Variants in PTPRD observed in about 807,000 individuals in gnomAD.
The protein encoded by PTPRD is receptor-type tyrosine-protein phosphatase delta.
Under a neutral mutation model 214.5 loss-of-function variants are expected in PTPRD, and 34 were observed. That is an observed-to-expected ratio of 0.16 (90% CI 0.12 to 0.21). PTPRD has a LOEUF of 0.21. Among genes scored for constraint, PTPRD ranks in the 10% least tolerant of loss-of-function variants. The pLI, the probability that PTPRD is intolerant of heterozygous loss-of-function variation, is 1.00. For missense variants in PTPRD, 2,545 were observed against 2,398.7 expected (o/e 1.06, Z -1.27); for synonymous variants, 1,128 against 845.7 (o/e 1.33, Z -5.79).
intron 9 of PTPRD, among the ~76,000 whole-genome samples, chr9:9,370,485 T>G (rs1367068159): frequency 1.3e-5 from 2 of 151,362 alleles, no homozygotes; most frequent in Non-Finnish European, 2.9e-5. Flanking sequence ...TTGCTGAAGT[T>G]GCTTATCTGC....
chr9:9,906,505 A>G (rs1021141679), intron 5 of PTPRD, among the ~76,000 whole-genome samples: 1 of 152,018 alleles, frequency 6.6e-6, no homozygotes, highest in African/African-American at 2.4e-5. Flanking sequence ...TTTCTGTTAC[A>G]TGATGATAGT....
chr9:9,251,031 A>G (rs1423187584), intron 9 of PTPRD, among the ~76,000 whole-genome samples: 2 of 152,006 alleles, frequency 1.3e-5, no homozygotes, highest in Non-Finnish European at 2.9e-5. Context: ...TTCCTTCACC[A>G]TGTTCGCACA....
At chr9:8,919,882 G>A (rs1019090778) in intron 11 of PTPRD, among the ~76,000 whole-genome samples, 6 of 151,348 alleles carry the variant, frequency 4.0e-5, no homozygotes, top group Admixed American at 2.6e-4. Context: ...CATGTATCAT[G>A]CATACATAGA....
At chr9:8,479,778 T>C (rs181158079) in intron 30 of PTPRD, among the ~76,000 whole-genome samples, 1 of 152,228 alleles carries the variant, frequency 6.6e-6, no homozygotes, top group African/African-American at 2.4e-5. Context: ...CTGAAGAATA[T>C]ACTATACTAT....
chr9:10,279,053 C>T (rs953147291), intron 3 of PTPRD, among the ~76,000 whole-genome samples: 2 of 152,106 alleles, frequency 1.3e-5, no homozygotes, highest in African/African-American at 4.8e-5. Flanking sequence ...GGCTCACAGG[C>T]CTGAGCCACC....
chr9:9,836,228 G>A (rs1257409164), intron 5 of PTPRD, among the ~76,000 whole-genome samples: 1 of 152,178 alleles, frequency 6.6e-6, no homozygotes, highest in African/African-American at 2.4e-5. Context: ...GCCCCAGAAT[G>A]TGAGCATATG....
intron 5 of PTPRD, among the ~76,000 whole-genome samples, chr9:9,795,257 T>C (rs543092116): frequency 6.6e-6 from 1 of 152,300 alleles, no homozygotes; most frequent in East Asian, 1.9e-4. Flanking sequence ...TATATTTAAT[T>C]TGGAAATAGT....
chr9:8,329,413 G>T (rs1375152116), intron 44 of PTPRD, among the ~76,000 whole-genome samples: 1 of 152,118 alleles, frequency 6.6e-6, no homozygotes, highest in Non-Finnish European at 1.5e-5. Context: ...GCACCTGCCA[G>T]ATGCCAGCCA....
intron 11 of PTPRD, among the ~76,000 whole-genome samples, chr9:8,872,398 C>G (rs1456002606): frequency 6.6e-6 from 1 of 152,206 alleles, no homozygotes; most frequent in African/African-American, 2.4e-5. Context: ...ATGTTGTTCT[C>G]TCACATGATT....
At chr9:8,380,895 C>G (rs1284315098) in intron 37 of PTPRD, among the ~76,000 whole-genome samples, 4 of 152,072 alleles carry the variant, frequency 2.6e-5, no homozygotes, top group Middle Eastern at 3.2e-3. Flanking sequence ...TTGTCTACCA[C>G]TTTCTGAAAA....
intron 7 of PTPRD, among the ~76,000 whole-genome samples, chr9:9,591,383 C>T (rs1236923917): frequency 6.6e-6 from 1 of 151,972 alleles, no homozygotes; most frequent in African/African-American, 2.4e-5. Context: ...GGCCAGCAAA[C>T]TGTGTGAGCT....
intron 11 of PTPRD, among the ~76,000 whole-genome samples, chr9:8,782,879 A>G (rs2095794198): frequency 6.6e-6 from 1 of 152,150 alleles, no homozygotes; most frequent in South Asian, 2.1e-4. Context: ...TACAGGCCTG[A>G]GCCACCACGC....
intron 2 of PTPRD, among the ~76,000 whole-genome samples, chr9:10,384,820 T>C (rs573793275): frequency 9.9e-5 from 15 of 151,548 alleles, no homozygotes; most frequent in African/African-American, 2.9e-4. Context: ...TGAATTAAAA[T>C]ATATTGCGAA....
chr9:9,740,556 T>A (rs1419913678), intron 6 of PTPRD, among the ~76,000 whole-genome samples: 1 of 151,852 alleles, frequency 6.6e-6, no homozygotes. Context: ...AGAGACGGGG[T>A]TTCACCGTGT....
chr9:10,603,730 C>T (rs1178507542), intron 2 of PTPRD, among the ~76,000 whole-genome samples: 1 of 151,768 alleles, frequency 6.6e-6, no homozygotes, highest in East Asian at 1.9e-4. Context: ...TACCTTCTAT[C>T]TGAAGATTTC....
intron 5 of PTPRD, among the ~76,000 whole-genome samples, chr9:9,769,965 T>A (rs1028457509): frequency 6.6e-6 from 1 of 152,194 alleles, no homozygotes; most frequent in African/African-American, 2.4e-5. Context: ...TGCATAGTAT[T>A]CCATGGTGTA....
intron 2 of PTPRD, among the ~76,000 whole-genome samples, chr9:10,464,075 A>G (rs2098976990): frequency 6.6e-6 from 1 of 152,114 alleles, no homozygotes; most frequent in South Asian, 2.1e-4. Flanking sequence ...ACCTATAGCT[A>G]TAAACATATT....
At chr9:8,889,611 C>A (rs1490318891) in intron 11 of PTPRD, among the ~76,000 whole-genome samples, 1 of 151,558 alleles carries the variant, frequency 6.6e-6, no homozygotes, top group African/African-American at 2.4e-5. Context: ...ATCCCTGATC[C>A]CCCACCCACC....
At position 9,275,147 on chromosome 9, in the gene PTPRD, AATATATT is replaced by A. The variant is rs1244701903; in HGVS notation, c.-202-91791_-202-91785del. Among the ~76,000 whole-genome samples the A allele has an allele frequency of 2.4e-3, 125 of 53,074 alleles. 3 individuals carry two copies. Among genetic ancestry groups the A allele is most frequent in the African/African-American group, 0.011 (121 of 10,906 alleles). The allele number at this position is 53,074 out of a possible 152,430, so 34.8% of individuals were successfully genotyped here. A position where few individuals can be genotyped will look rare whatever the true frequency, so the allele number is the denominator to read the frequency against. ...TATATATTATATATAATATATATAT[AATATATT>A]ATATATATAACATATATATAATATA... is the stretch of plus-strand genomic sequence containing the variant. On this transcript the variant is annotated intron_variant, in intron 9 of 45. Transcript: ENST00000381196.
Sources: gnomAD v4.1 joint callset for allele counts (sites outside exome capture counted in the v4.1 genomes callset) on GRCh38, gnomAD v4.1.1 for gene constraint, MANE v1.5 for transcripts, NCBI Gene and HGNC (gene_info 2026-07-23, HGNC 2026-07-21) for gene names.